GALNT13: variants seen among roughly 807,000 people sequenced by gnomAD.
The protein encoded by GALNT13 is polypeptide N-acetylgalactosaminyltransferase 13.
A neutral mutation model predicts 64.2 loss-of-function variants in GALNT13; 28 were observed. The ratio of observed to expected loss-of-function variants is 0.44; its 90% CI spans 0.32 to 0.60. The LOEUF (loss-of-function observed/expected upper bound fraction) is 0.60. Among genes scored for constraint, GALNT13 ranks in the 20% least tolerant of loss-of-function variants. The pLI, the probability that GALNT13 is intolerant of heterozygous loss-of-function variation, is 0.05. For synonymous variants in GALNT13, 214 were observed against 224.6 expected, an observed-to-expected ratio of 0.95 and a Z score of 0.42; for missense variants, 577 against 669.8, an observed-to-expected ratio of 0.86 and a Z score of 1.53.
the GALNT13 span, among the ~76,000 whole-genome samples, chr2:153,441,184 A>C: frequency 6.6e-6 from 1 of 152,096 alleles, no homozygotes; most frequent in African/African-American, 2.4e-5. Flanking sequence ...AGTTTTCCCA[A>C]TGACATTTAT....
At chr2:153,439,620 T>C in the GALNT13 span, among the ~76,000 whole-genome samples, 9 of 152,296 alleles carry the variant, frequency 5.9e-5, no homozygotes, top group Non-Finnish European at 1.3e-4. Flanking sequence ...ATCTCAGCCA[T>C]GTGTGGGATA....
intron 3 of GALNT13, among the ~76,000 whole-genome samples, chr2:154,024,627 C>T (rs1349909012): frequency 5.3e-5 from 8 of 152,140 alleles, no homozygotes; most frequent in Admixed American, 6.5e-5. Context: ...ACTTCTTTGC[C>T]ATTGGTTTGA....
At chr2:153,896,009 G>A (rs971568744) in intron 1 of GALNT13, among the ~76,000 whole-genome samples, 11 of 119,754 alleles carry the variant, frequency 9.2e-5, no homozygotes, top group African/African-American at 3.4e-4. Flanking sequence ...TAGTTTGTAT[G>A]ATATAATTAT....
the GALNT13 span, among the ~76,000 whole-genome samples, chr2:153,498,309 G>C: frequency 6.6e-6 from 1 of 152,228 alleles, no homozygotes; most frequent in Non-Finnish European, 1.5e-5. Flanking sequence ...AACCTCTGTG[G>C]CTGGCGGCAC....
At chr2:153,097,217 T>G in the GALNT13 span, among the ~76,000 whole-genome samples, 2 of 152,168 alleles carry the variant, frequency 1.3e-5, no homozygotes, top group Admixed American at 1.3e-4. Context: ...TTTATTGTAC[T>G]GAATGTCTTG....
the GALNT13 span, among the ~76,000 whole-genome samples, chr2:153,797,724 C>A: frequency 6.6e-6 from 1 of 152,148 alleles, no homozygotes; most frequent in Non-Finnish European, 1.5e-5. Context: ...AGACAAGAAG[C>A]TTTGAAGTAA....
At chr2:153,727,446 C>T in the GALNT13 span, among the ~76,000 whole-genome samples, 2,275 of 152,130 alleles carry the variant, frequency 0.015, 57 homozygotes, top group African/African-American at 0.052. Flanking sequence ...CTTTCATGAA[C>T]GTTCAAGTGT....
intron 4 of GALNT13, among the ~76,000 whole-genome samples, chr2:154,174,518 A>G (rs1041305253): frequency 3.3e-5 from 5 of 152,180 alleles, no homozygotes; most frequent in African/African-American, 9.6e-5. Flanking sequence ...ATTTAATGAA[A>G]TAGATACACA....
At chr2:154,235,267 A>G (rs1314979162) in intron 4 of GALNT13, among the ~76,000 whole-genome samples, 3 of 152,190 alleles carry the variant, frequency 2.0e-5, no homozygotes, top group African/African-American at 7.2e-5. Flanking sequence ...ATGAATACCA[A>G]TCTGATTTTT....
the GALNT13 span, among the ~76,000 whole-genome samples, chr2:153,544,384 T>C: frequency 6.6e-6 from 1 of 152,216 alleles, no homozygotes; most frequent in Non-Finnish European, 1.5e-5. Flanking sequence ...TGGGAACTGG[T>C]AACATTTACA....
the GALNT13 span, among the ~76,000 whole-genome samples, chr2:153,339,197 C>T: frequency 6.6e-6 from 1 of 152,144 alleles, no homozygotes; most frequent in South Asian, 2.1e-4. Flanking sequence ...AACTTCCAAC[C>T]TGTTTTCCAC....
chr2:154,116,089 C>G (rs2105503843), intron 3 of GALNT13, among the ~76,000 whole-genome samples: 1 of 152,262 alleles, frequency 6.6e-6, no homozygotes, highest in Non-Finnish European at 1.5e-5. Flanking sequence ...ACTGTTGCCT[C>G]AGGCAGAACA....
intron 9 of GALNT13, among the ~76,000 whole-genome samples, chr2:154,383,412 T>A (rs1212302416): frequency 6.6e-6 from 1 of 151,976 alleles, no homozygotes; most frequent in Admixed American, 6.6e-5. Flanking sequence ...AAAAATTATA[T>A]GCCCTATGTT....
At chr2:153,588,218 G>C in the GALNT13 span, among the ~76,000 whole-genome samples, 1 of 152,174 alleles carries the variant, frequency 6.6e-6, no homozygotes, top group African/African-American at 2.4e-5. Context: ...TGAATCTACT[G>C]TTCTGGAGTC....
chr2:153,677,290 C>T, the GALNT13 span, among the ~76,000 whole-genome samples: 113 of 43,614 alleles, frequency 2.6e-3, no homozygotes, highest in East Asian at 8.7e-3. Flanking sequence ...GACATACACA[C>T]ACACACACAC....
chr2:153,364,564 A>T, the GALNT13 span, among the ~76,000 whole-genome samples: 1 of 152,322 alleles, frequency 6.6e-6, no homozygotes, highest in Admixed American at 6.5e-5. Flanking sequence ...AATGTGCAAA[A>T]ATCACAGGCA....
the GALNT13 span, among the ~76,000 whole-genome samples, chr2:153,484,787 C>T: frequency 1.3e-5 from 2 of 152,170 alleles, no homozygotes; most frequent in Non-Finnish European, 2.9e-5. Context: ...TGATTGAAAA[C>T]CATTGTTTAA....
At chr2:153,561,185 T>TG in the GALNT13 span, among the ~76,000 whole-genome samples, 8 of 151,726 alleles carry the variant, frequency 5.3e-5, no homozygotes, top group African/African-American at 1.9e-4. Flanking sequence ...GATTTTTTTT[T>TG]GGTTTTCCAG....
At chr2:153,353,830 T>C in the GALNT13 span, among the ~76,000 whole-genome samples, 1 of 152,190 alleles carries the variant, frequency 6.6e-6, no homozygotes, top group Non-Finnish European at 1.5e-5. Flanking sequence ...TCTTTTGATA[T>C]ATCTTTGGAT....
Sources: gnomAD v4.1 joint callset for allele counts (sites outside exome capture counted in the v4.1 genomes callset) on GRCh38, gnomAD v4.1.1 for gene constraint, MANE v1.5 for transcripts, NCBI Gene and HGNC (gene_info 2026-07-23, HGNC 2026-07-21) for gene names.